UBR3: variants seen among roughly 807,000 people sequenced by gnomAD.
UBR3 encodes ubiquitin protein ligase E3 component n-recognin 3, also known as E3 ubiquitin-protein ligase UBR3.
UBR3 carries 85 observed loss-of-function variants against 243.2 expected under a neutral mutation model. The ratio of observed to expected loss-of-function variants is 0.35; its 90% CI spans 0.29 to 0.42. UBR3 has a LOEUF of 0.42. Ranked by LOEUF, UBR3 falls within the 10% of genes least tolerant of loss-of-function variation. The pLI is 1.00. For missense variants in UBR3, 1,686 were observed against 2,300.8 expected, an observed-to-expected ratio of 0.73 and a Z score of 5.47; for synonymous variants, 748 against 799.8, an observed-to-expected ratio of 0.94 and a Z score of 1.09.
intron 1 of UBR3, among the ~76,000 whole-genome samples, chr2:169,843,235 C>G (rs1268007081): frequency 6.6e-6 from 1 of 152,160 alleles, no homozygotes; most frequent in Non-Finnish European, 1.5e-5. Context: ...TAATAAAGAA[C>G]AGAAATTATT....
Position 170,009,013 on chromosome 2 carries a change from G to A in UBR3, c.4367+73G>A, listed in dbSNP as rs531792827. ...TGATTTTATTATTTAATAAATATTT[G>A]TTTTATTTATTTAAAGGATGCATAT... On this transcript the variant is annotated intron_variant, in intron 29 of 38. Transcript: ENST00000272793. 489 of 1,041,788 alleles carry A rather than the reference G, an allele frequency of 4.7e-4. 1 individual carries two copies. The African/African-American group carries it at 7.3e-3, about 16-fold the overall frequency. 64.5% of individuals were successfully genotyped at this position (1,041,788 alleles called of 1,614,324 possible). A position where few individuals can be genotyped will look rare whatever the true frequency, so the allele number is the denominator to read the frequency against.
chr2:169,942,354 CTT>C, intron 19 of UBR3, 137 bp from the exon 20 acceptor site: 1 of 805,412 alleles, frequency 1.2e-6, no homozygotes, highest in South Asian at 2.0e-5. Flanking sequence ...ATAGATACCT[CTT>C]TGGCATTTTA....
chr2:169,914,116 C>T lies in UBR3; in HGVS notation c.1836C>T (p.Asp612=), dbSNP rs1279153178. 7 of 1,511,064 alleles carry T rather than the reference C, an allele frequency of 4.6e-6. No individual in the cohort carries two copies. The highest frequency in any genetic ancestry group is 6.2e-6 in the Non-Finnish European group (7 of 1,128,018). 93.6% of individuals were successfully genotyped at this position (1,511,064 alleles called of 1,614,324 possible). The change falls in exon 11 of 39, where the codon GAC becomes GAT. Residue 612 remains aspartate, a synonymous_variant. Coordinates refer to ENST00000272793, the MANE Select transcript of UBR3 (RefSeq NM_172070.4). The part of the protein sequence containing the change: ...VVRYCLEALQ[D]WFDAINFVDE... ...GATATTGCCTTGAAGCTCTTCAAGA[C>T]TGGTTTGATGCTATTAACTTCGTAG...
chr2:170,023,360 T>G (rs2090441329), intron 30 of UBR3, among the ~76,000 whole-genome samples: 1 of 152,134 alleles, frequency 6.6e-6, no homozygotes, highest in South Asian at 2.1e-4. Context: ...TAAGTTTACT[T>G]TAGGTGCATT....
chr2:170,066,130 T>C (rs2091563169), intron 35 of UBR3, among the ~76,000 whole-genome samples: 1 of 152,210 alleles, frequency 6.6e-6, no homozygotes, highest in African/African-American at 2.4e-5. Context: ...CTGGAGACTC[T>C]CAAGCTTAGC....
At chr2:169,967,265 GC>G (rs1400988737) in intron 24 of UBR3, among the ~76,000 whole-genome samples, 92 of 36,156 alleles carry the variant, frequency 2.5e-3, no homozygotes, top group African/African-American at 4.1e-3. Flanking sequence ...TGCGCCCCCC[GC>G]CCCCCCCCAC....
At chr2:169,876,755 G>A (rs531662722) in intron 3 of UBR3, among the ~76,000 whole-genome samples, 1 of 152,104 alleles carries the variant, frequency 6.6e-6, no homozygotes, top group East Asian at 1.9e-4. Flanking sequence ...TAGAGACAGG[G>A]TTTTAACCAT....
chr2:169,974,348 A>G (rs1465177477), intron 24 of UBR3, among the ~76,000 whole-genome samples: 1 of 152,024 alleles, frequency 6.6e-6, no homozygotes, highest in African/African-American at 2.4e-5. Flanking sequence ...TCATTACTCA[A>G]TATTTATCTG....
chr2:169,887,236 T>G (rs1056998448), intron 5 of UBR3, among the ~76,000 whole-genome samples: 1 of 152,250 alleles, frequency 6.6e-6, no homozygotes, highest in African/African-American at 2.4e-5. Flanking sequence ...GTAGCAATAG[T>G]GCCTACTTCC....
chr2:169,999,820 GAAACTTTTA>G (rs1167700317), intron 26 of UBR3, among the ~76,000 whole-genome samples: 1 of 149,714 alleles, frequency 6.7e-6, no homozygotes, highest in Non-Finnish European at 1.5e-5. Context: ...ATGAAAGAAA[GAAACTTTTA>G]AAACAAATTT....
At chr2:170,075,856 G>T (rs1429867665) in intron 36 of UBR3, among the ~76,000 whole-genome samples, 1 of 151,424 alleles carries the variant, frequency 6.6e-6, no homozygotes, top group Non-Finnish European at 1.5e-5. Context: ...TCTTTGTTTG[G>T]GAACAACAAA....
At chr2:169,893,408 T>TA (rs1463419734) in intron 6 of UBR3, among the ~76,000 whole-genome samples, 2 of 152,220 alleles carry the variant, frequency 1.3e-5, no homozygotes, top group African/African-American at 4.8e-5. Flanking sequence ...ATTCTATGAT[T>TA]AATAGTACTA....
At chr2:169,895,703 C>T (rs930180485) in intron 7 of UBR3, among the ~76,000 whole-genome samples, 1 of 152,086 alleles carries the variant, frequency 6.6e-6, no homozygotes, top group African/African-American at 2.4e-5. Flanking sequence ...TGAGATCAGG[C>T]TGGGAAAAGC....
chr2:169,888,243 A>G (rs1379987169), intron 5 of UBR3, among the ~76,000 whole-genome samples: 1 of 151,594 alleles, frequency 6.6e-6, no homozygotes, highest in Non-Finnish European at 1.5e-5. Context: ...GGTTCAAGCA[A>G]TTCTCCAGCC....
chr2:170,009,090 A>G, intron 29 of UBR3, 150 bp downstream of exon 29: 1 of 470,566 alleles, frequency 2.1e-6, no homozygotes, highest in East Asian at 3.9e-5. Context: ...TAGGATAACT[A>G]TAACTGTGCA....
chr2:169,959,281 T>C (rs2087455604), intron 24 of UBR3, among the ~76,000 whole-genome samples: 1 of 152,140 alleles, frequency 6.6e-6, no homozygotes, highest in African/African-American at 2.4e-5. Flanking sequence ...TTTAGCCTAA[T>C]GGGTTCTAAA....
chr2:169,996,739 C>T lies in UBR3; in HGVS notation c.3918+2283C>T, dbSNP rs2089499052. 2.2e-5 allele frequency among the ~76,000 whole-genome samples: 3 copies of T among 134,156 alleles called. No individual in the cohort carries two copies. The South Asian group carries it at 7.3e-4, about 33-fold the overall frequency. The allele number at this position is 134,156 out of a possible 152,430, so 88.0% of individuals were successfully genotyped here. On this transcript the variant is annotated intron_variant, in intron 26 of 38. Transcript: ENST00000272793. ...GATAGAGTCTCACTCCATCGCCAGG[C>T]TAGAGTGCAGTGGTGCGATCTCAGC...
chr2:169,877,969 C>G (rs1386466361), intron 4 of UBR3, among the ~76,000 whole-genome samples: 1 of 152,126 alleles, frequency 6.6e-6, no homozygotes, highest in East Asian at 1.9e-4. Flanking sequence ...AAAAGAGATC[C>G]TTCTGAAACA....
intron 36 of UBR3, among the ~76,000 whole-genome samples, chr2:170,075,136 T>C (rs1349657291): frequency 1.3e-5 from 2 of 152,188 alleles, no homozygotes; most frequent in Non-Finnish European, 2.9e-5. Context: ...ATGTCTCTGC[T>C]TTTGTTCTTT....
Sources: gnomAD v4.1 joint callset for allele counts (sites outside exome capture counted in the v4.1 genomes callset) on GRCh38, gnomAD v4.1.1 for gene constraint, MANE v1.5 for transcripts, NCBI Gene and HGNC (gene_info 2026-07-23, HGNC 2026-07-21) for gene names.